PIP4K2B: variants seen among roughly 807,000 people sequenced by gnomAD.
PIP4K2B encodes the protein phosphatidylinositol 5-phosphate 4-kinase type-2 beta.
Under a neutral mutation model 42.0 loss-of-function variants are expected in PIP4K2B, and 3 were observed. The observed-to-expected ratio is 0.07, with a 90% CI of 0.03 to 0.18. The LOEUF is 0.18. Among genes scored for constraint, PIP4K2B ranks in the 10% least tolerant of loss-of-function variants. PIP4K2B has a pLI of 1.00. For missense variants in PIP4K2B, 332 were observed against 562.3 expected (o/e 0.59, Z 4.14); for synonymous variants, 204 against 210.1 (o/e 0.97, Z 0.25).
chr17:38,766,279 T>TG lies in PIP4K2B; in HGVS notation c.*3411dup, dbSNP rs545197747. On this transcript the variant is annotated 3_prime_UTR_variant, in exon 10 of 10. Coordinates refer to ENST00000619039, the MANE Select transcript of PIP4K2B (RefSeq NM_003559.5). ...CAGGAAGAGATGAGGCTCCTAGACT[T>TG]GGGGGGCCACAGGTTTAAGGCCAGA... 1.2e-3 allele frequency: 182 copies of TG among 152,616 alleles called. No homozygotes were observed. Among genetic ancestry groups the TG allele is most frequent in the African/African-American group, 3.9e-3 (162 of 41,566 alleles). 9.5% of individuals were successfully genotyped at this position (152,616 alleles called of 1,614,324 possible). A position where few individuals can be genotyped will look rare whatever the true frequency, so the allele number is the denominator to read the frequency against.
At chr17:38,786,969 T>C (rs1294370777) in intron 1 of PIP4K2B, 49 bp from the exon 2 acceptor site, 1 of 1,110,096 alleles carries the variant, frequency 9.0e-7, no homozygotes, top group African/African-American at 1.5e-5. Context: ...GCCACCTGCC[T>C]CAGAGACACT....
chr17:38,787,502 T>C (rs1293195459), intron 1 of PIP4K2B, among the ~76,000 whole-genome samples: 3 of 152,272 alleles, frequency 2.0e-5, no homozygotes, highest in Non-Finnish European at 4.4e-5. Flanking sequence ...TGTATCTGTC[T>C]TCTGGCCATC....
At chr17:38,797,314 G>C (rs575195067) in intron 1 of PIP4K2B, among the ~76,000 whole-genome samples, 157 of 152,070 alleles carry the variant, frequency 1.0e-3, no homozygotes, top group Non-Finnish European at 1.9e-3. Context: ...CCTGCCTATC[G>C]GAACACCATG....
chr17:38,798,567 A>C (rs1034428156), intron 1 of PIP4K2B, among the ~76,000 whole-genome samples: 2 of 152,204 alleles, frequency 1.3e-5, no homozygotes, highest in Non-Finnish European at 2.9e-5. Context: ...CTATGGGAAG[A>C]CATATTATTT....
chr17:38,768,632 G>T lies in PIP4K2B; in HGVS notation c.*1059C>A, dbSNP rs961081443. 6.6e-6 allele frequency: 1 copy of T among 152,204 alleles called. No individual in the cohort carries two copies. Among genetic ancestry groups the T allele is most frequent in the East Asian group, 1.9e-4 (1 of 5,202 alleles). The allele number at this position is 152,204 out of a possible 1,614,324, so 9.4% of individuals were successfully genotyped here. On this transcript the variant is annotated 3_prime_UTR_variant, in exon 10 of 10. Transcript: ENST00000619039. ...GTCTCTGCTAAAAAGCACTCCAGGC[G>T]CTTGGAGATCTGCCCAGAGCTAAGA...
chr17:38,771,713 C>G lies in PIP4K2B; in HGVS notation c.808-441G>C, dbSNP rs575514688. 7.2e-4 allele frequency among the ~76,000 whole-genome samples: 109 copies of G among 152,210 alleles called. 3 individuals are homozygous for G. The highest frequency in any genetic ancestry group is 9.8e-4 in the Admixed American group (15 of 15,280). ...CGAGCACTGCAGGAAGAGGGAACAG[C>G]CCATGACGGTTTGGGATCAAGAGAG... On this transcript the variant is annotated intron_variant, in intron 7 of 9. Coordinates refer to ENST00000619039, the MANE Select transcript of PIP4K2B (RefSeq NM_003559.5).
intron 1 of PIP4K2B, among the ~76,000 whole-genome samples, chr17:38,790,955 G>T (rs995852165): frequency 6.6e-6 from 1 of 152,060 alleles, no homozygotes; most frequent in Non-Finnish European, 1.5e-5. Context: ...TGTTCCTATT[G>T]AAATATCTGC....
At chr17:38,796,751 T>G (rs1910680156) in intron 1 of PIP4K2B, among the ~76,000 whole-genome samples, 1 of 152,134 alleles carries the variant, frequency 6.6e-6, no homozygotes, top group Non-Finnish European at 1.5e-5. Flanking sequence ...CCTTCCTATC[T>G]GAAACACCAT....
chr17:38,782,343 C>T (rs776517084), intron 3 of PIP4K2B, among the ~76,000 whole-genome samples: 1 of 152,186 alleles, frequency 6.6e-6, no homozygotes, highest in Non-Finnish European at 1.5e-5. Flanking sequence ...GTCTTGAGCA[C>T]GGGCATGCGC....
At chr17:38,792,090 C>T (rs147654516) in intron 1 of PIP4K2B, among the ~76,000 whole-genome samples, 9 of 150,682 alleles carry the variant, frequency 6.0e-5, no homozygotes, top group South Asian at 2.1e-4. Flanking sequence ...AACCAGACTC[C>T]GTCTCAAAAA....
chr17:38,773,596 CTG>C (rs1363400234), intron 7 of PIP4K2B, among the ~76,000 whole-genome samples: 1 of 152,186 alleles, frequency 6.6e-6, no homozygotes, highest in Non-Finnish European at 1.5e-5. Flanking sequence ...CACTAGGAGA[CTG>C]TTAGACTGAC....
chr17:38,776,428 A>G (rs2143355105), intron 7 of PIP4K2B, among the ~76,000 whole-genome samples: 1 of 152,288 alleles, frequency 6.6e-6, no homozygotes, highest in African/African-American at 2.4e-5. Flanking sequence ...GATGAATGGT[A>G]GTGCTGGTTG....
chr17:38,799,185 C>G lies in PIP4K2B; in HGVS notation c.159+81G>C. On this transcript the variant is annotated intron_variant, in intron 1 of 9. Transcript: ENST00000619039. The surrounding 1 kb of genome is among the most constrained non-coding windows in gnomAD (Gnocchi z 4.4). The stretch of plus-strand genomic sequence containing the variant: ...GGGTGGCAGGCGTCACCGGCAGGGC[C>G]TGCGGGGCAAGGGCCCAGGGCTGCA... 1 of 1,409,450 alleles carries G rather than the reference C, an allele frequency of 7.1e-7. No homozygotes were observed. The highest frequency in any genetic ancestry group is 9.3e-7 in the Non-Finnish European group (1 of 1,075,592). 87.3% of individuals were successfully genotyped at this position (1,409,450 alleles called of 1,614,324 possible).
At chr17:38,782,860 G>A (rs974580341) in intron 3 of PIP4K2B, among the ~76,000 whole-genome samples, 2 of 152,088 alleles carry the variant, frequency 1.3e-5, no homozygotes, top group Admixed American at 6.6e-5. Flanking sequence ...ACTGTGCTAT[G>A]GGGAAAAGTT....
intron 4 of PIP4K2B, 58 bp from the exon 5 acceptor site, chr17:38,779,587 G>A (rs1909582114): frequency 1.3e-6 from 2 of 1,522,918 alleles, no homozygotes; most frequent in African/African-American, 1.4e-5. Context: ...AGGGATGGAT[G>A]GGGCTCACCC....
chr17:38,779,247 C>T, intron 5 of PIP4K2B, 136 bp downstream of exon 5: 1 of 820,796 alleles, frequency 1.2e-6, no homozygotes, highest in Non-Finnish European at 2.0e-6. Context: ...AAGAATCAGG[C>T]ATATCCACTC....
At chr17:38,777,232 T>C (rs949544512) in intron 7 of PIP4K2B, among the ~76,000 whole-genome samples, 2 of 152,110 alleles carry the variant, frequency 1.3e-5, no homozygotes, top group African/African-American at 2.4e-5. Context: ...CCTGGCTAAA[T>C]TTTTTAATTT....
At chr17:38,778,450 G>A (rs1215796962) in intron 5 of PIP4K2B, 78 bp from the exon 6 acceptor site, 2 of 1,339,424 alleles carry the variant, frequency 1.5e-6, no homozygotes, top group Non-Finnish European at 2.2e-6. Flanking sequence ...AGAGCCAGCA[G>A]GTGAACTCAA....
At chr17:38,794,609 TAAAAAAAAAAAA>T (rs34374571) in intron 1 of PIP4K2B, among the ~76,000 whole-genome samples, 1 of 34,254 alleles carries the variant, frequency 2.9e-5, no homozygotes, top group Non-Finnish European at 5.0e-5. Flanking sequence ...CCCAATTCAT[TAAAAAAAAAAAA>T]AAAAAAAAAA....
Sources: gnomAD v4.1 joint callset for allele counts (sites outside exome capture counted in the v4.1 genomes callset) on GRCh38, gnomAD v4.1.1 for gene constraint, Gnocchi (gnomAD v3.1) non-coding constraint, MANE v1.5 for transcripts, NCBI Gene and HGNC (gene_info 2026-07-23, HGNC 2026-07-21) for gene names.